DCDC1: variants seen among roughly 807,000 people sequenced by gnomAD.
DCDC1 encodes doublecortin domain containing 1, also known as doublecortin domain-containing protein 1.
Under a neutral mutation model 178.3 loss-of-function variants are expected in DCDC1, and 200 were observed. The observed-to-expected ratio is 1.12, with a 90% CI of 1.00 to 1.26. DCDC1 has a LOEUF of 1.26. Ranked by LOEUF, DCDC1 falls within the 50% of genes most tolerant of loss-of-function variation. The pLI is 0.00. For missense variants in DCDC1, 1,983 were observed against 1,749.2 expected (o/e 1.13, Z -2.38); for synonymous variants, 690 against 604.8 (o/e 1.14, Z -2.07).
chr11:31,076,065 G>A (rs1259497333), intron 18 of DCDC1, among the ~76,000 whole-genome samples: 1 of 152,072 alleles, frequency 6.6e-6, no homozygotes, highest in African/African-American at 2.4e-5. Flanking sequence ...CTCCATGTTG[G>A]TCAGGCTGGT....
At chr11:31,006,892 C>T (rs1951877260) in intron 20 of DCDC1, among the ~76,000 whole-genome samples, 1 of 152,136 alleles carries the variant, frequency 6.6e-6, no homozygotes, top group Admixed American at 6.5e-5. Context: ...AAAATTCTCC[C>T]AGTCATTTAG....
intron 9 of DCDC1, among the ~76,000 whole-genome samples, chr11:31,181,624 G>A (rs1437231316): frequency 1.3e-5 from 2 of 152,144 alleles, no homozygotes; most frequent in African/African-American, 2.4e-5. Flanking sequence ...CAGCAGAGGG[G>A]CCTGACTGGT....
At chr11:31,247,096 C>T (rs1469609501) in intron 8 of DCDC1, among the ~76,000 whole-genome samples, 1 of 151,990 alleles carries the variant, frequency 6.6e-6, no homozygotes, top group Non-Finnish European at 1.5e-5. Flanking sequence ...TGATGCATTG[C>T]AGGAAGAATT....
At chr11:31,314,815 TA>T (rs1179571794) in intron 3 of DCDC1, among the ~76,000 whole-genome samples, 1 of 152,204 alleles carries the variant, frequency 6.6e-6, no homozygotes, top group Non-Finnish European at 1.5e-5. Context: ...TCTTTTGCCA[TA>T]TAATGAAACT....
chr11:30,923,732 T>C (rs1040055008), intron 23 of DCDC1, among the ~76,000 whole-genome samples: 2 of 151,916 alleles, frequency 1.3e-5, no homozygotes, highest in Admixed American at 1.3e-4. Flanking sequence ...TTCTCGTGCC[T>C]CAGCCTCCTG....
chr11:31,213,127 C>CTCTG (rs1565442275), intron 9 of DCDC1, among the ~76,000 whole-genome samples: 2 of 135,678 alleles, frequency 1.5e-5, no homozygotes, highest in Admixed American at 7.3e-5. Context: ...CTCTCTCTCT[C>CTCTG]TCTCTCTCTC....
chr11:30,977,187 G>T (rs2134748778), intron 20 of DCDC1, among the ~76,000 whole-genome samples: 1 of 151,084 alleles, frequency 6.6e-6, no homozygotes, highest in Non-Finnish European at 1.5e-5. Flanking sequence ...GTGTGTGGTT[G>T]GGGATTGTGG....
At chr11:31,227,981 C>G (rs1235935478) in intron 9 of DCDC1, among the ~76,000 whole-genome samples, 1 of 151,782 alleles carries the variant, frequency 6.6e-6, no homozygotes, top group East Asian at 1.9e-4. Context: ...AATACAAACC[C>G]AATAACAGCA....
chr11:30,877,260 G>A (rs1169923904), intron 38 of DCDC1, among the ~76,000 whole-genome samples: 3 of 152,130 alleles, frequency 2.0e-5, no homozygotes, highest in Non-Finnish European at 4.4e-5. Flanking sequence ...TAAAGTGGAG[G>A]ATTGAGAAGT....
chr11:31,011,349 A>G (rs930169402), intron 20 of DCDC1, among the ~76,000 whole-genome samples: 4 of 152,214 alleles, frequency 2.6e-5, no homozygotes, highest in African/African-American at 7.2e-5. Context: ...AAGATACAAA[A>G]ACAAGTTTTG....
intron 18 of DCDC1, among the ~76,000 whole-genome samples, chr11:31,075,529 T>A (rs1255316754): frequency 1.3e-5 from 2 of 152,206 alleles, no homozygotes; most frequent in Non-Finnish European, 2.9e-5. Flanking sequence ...GTATAAGTGA[T>A]CCCTTTTCTT....
chr11:31,367,911 G>C (rs1056444257), intron 1 of DCDC1, among the ~76,000 whole-genome samples: 7 of 152,090 alleles, frequency 4.6e-5, no homozygotes, highest in African/African-American at 1.7e-4. Context: ...CATTCAGTAA[G>C]CCAATGGCAA....
chr11:31,250,415 C>CACACACACACACACACATATATATATAT (rs1223526182), intron 8 of DCDC1, among the ~76,000 whole-genome samples: 1 of 73,666 alleles, frequency 1.4e-5, no homozygotes, highest in Non-Finnish European at 2.8e-5. Flanking sequence ...CACACACACA[C>CACACACACACACACACATATATATATAT]ATATACATAT....
chr11:31,221,630 A>C (rs945595420), intron 9 of DCDC1, among the ~76,000 whole-genome samples: 1 of 152,110 alleles, frequency 6.6e-6, no homozygotes, highest in East Asian at 1.9e-4. Context: ...CTTTAGTTCA[A>C]ACTGGTAGTA....
At chr11:30,996,588 T>C (rs999966309) in intron 20 of DCDC1, among the ~76,000 whole-genome samples, 3 of 152,144 alleles carry the variant, frequency 2.0e-5, no homozygotes, top group Non-Finnish European at 2.9e-5. Flanking sequence ...CCTTTTGCCC[T>C]TTCTGTATTC....
intron 20 of DCDC1, among the ~76,000 whole-genome samples, chr11:31,049,062 G>A (rs1209439333): frequency 1.3e-5 from 2 of 152,078 alleles, no homozygotes; most frequent in Non-Finnish European, 2.9e-5. Flanking sequence ...TCTGAGACAC[G>A]GCCTATGTCA....
At chr11:30,915,843 C>A in intron 26 of DCDC1, 132 bp from the exon 27 acceptor site, 1 of 826,352 alleles carries the variant, frequency 1.2e-6, no homozygotes, top group Non-Finnish European at 1.9e-6. Context: ...AAATGATAGA[C>A]CATATCATTA....
chr11:31,344,104 C>T (rs1263757943), intron 1 of DCDC1, among the ~76,000 whole-genome samples: 1 of 151,994 alleles, frequency 6.6e-6, no homozygotes, highest in Admixed American at 6.6e-5. Flanking sequence ...GTAGAATATG[C>T]AAAATACAAG....
intron 17 of DCDC1, 109 bp from the exon 18 acceptor site, chr11:31,078,034 C>T (rs1256141506): frequency 3.0e-6 from 2 of 677,194 alleles, no homozygotes; most frequent in South Asian, 1.6e-5. Flanking sequence ...GGACTGCCCA[C>T]ACTCTACCAA....
Sources: allele counts gnomAD v4.1 joint callset (sites outside exome capture counted in the v4.1 genomes callset), GRCh38; gene constraint gnomAD v4.1.1; transcripts MANE v1.5; gene names NCBI Gene and HGNC (gene_info 2026-07-23, HGNC 2026-07-21).